The following CERS6 variants were observed in gnomAD, a reference collection of about 807,000 sequenced individuals.
The protein encoded by CERS6 is ceramide synthase 6.
In CERS6, 26 loss-of-function variants were observed where a neutral mutation model predicts 56.8. The ratio of observed to expected loss-of-function variants is 0.46; its 90% confidence interval spans 0.34 to 0.63. The LOEUF (loss-of-function observed/expected upper bound fraction) is 0.63, where lower values mean the gene tolerates loss of function less well. Ranked by LOEUF, CERS6 falls within the 30% of genes least tolerant of loss-of-function variation. CERS6 has a pLI of 0.01. For missense variants in CERS6, 415 were observed against 467.5 expected, an observed-to-expected ratio of 0.89 and a Z score of 1.04; for synonymous variants, 164 against 173.3, an observed-to-expected ratio of 0.95 and a Z score of 0.42.
intron 4 of CERS6, among the ~76,000 whole-genome samples, chr2:168,631,797 ATATATATTATATAATTTAT>A (rs1341992077): frequency 6.3e-5 from 8 of 127,884 alleles, no homozygotes; most frequent in Non-Finnish European, 1.3e-4. Flanking sequence ...GTTATATATA[ATATATATTATATAATTTAT>A]TATATATTAT....
chr2:168,547,470 T>G (rs150448529), intron 1 of CERS6, 126 bp from the exon 2 acceptor site: 16 of 601,944 alleles, frequency 2.7e-5, no homozygotes, highest in Non-Finnish European at 4.4e-5. Flanking sequence ...GTGTTGACAA[T>G]GTACACCCAT....
chr2:168,557,870 A>G (rs12463569), intron 2 of CERS6, among the ~76,000 whole-genome samples: 35,444 of 152,174 alleles, frequency 0.23, 5,111 homozygotes, highest in East Asian at 0.52. Context: ...TGCTGGAAAA[A>G]AGTATGCAGC....
chr2:168,529,230 T>C (rs1046700843), intron 1 of CERS6, among the ~76,000 whole-genome samples: 1 of 152,248 alleles, frequency 6.6e-6, no homozygotes, highest in Admixed American at 6.5e-5. Flanking sequence ...TCTGTTGTTC[T>C]CAGTCATCCT....
intron 3 of CERS6, among the ~76,000 whole-genome samples, chr2:168,626,402 G>A (rs368671372): frequency 6.6e-6 from 1 of 152,032 alleles, no homozygotes; most frequent in Non-Finnish European, 1.5e-5. Context: ...TGCCTTTTGG[G>A]TGACACCTGG....
chr2:168,630,909 C>T (rs964878311), intron 3 of CERS6, 76 bp from the exon 4 acceptor site: 3 of 630,698 alleles, frequency 4.8e-6, no homozygotes, highest in Non-Finnish European at 8.2e-6. Context: ...GAACTCTTTT[C>T]CCTCCCTTAC....
chr2:168,766,429 G>A (rs995742345), intron 9 of CERS6: 10 of 1,228,756 alleles, frequency 8.1e-6, no homozygotes, highest in African/African-American at 5.9e-5. Context: ...TTGTTTCCAC[G>A]CATATTGTTC....
chr2:168,755,145 C>T lies in CERS6; in HGVS notation c.846-10447C>T, dbSNP rs114034847. On this transcript the variant is annotated intron_variant, in intron 8 of 9. Coordinates refer to ENST00000305747, the MANE Select transcript of CERS6 (RefSeq NM_203463.3). ...AAAGATAATATGTTTTGGTTAGAAA[C>T]AACAAAACCTCTGTCTTGTGACCTT... 6.7e-3 allele frequency among the ~76,000 whole-genome samples: 1,022 copies of T among 152,282 alleles called. 11 individuals are homozygous for T. The highest frequency in any genetic ancestry group is 0.023 in the African/African-American group (959 of 41,558).
intron 6 of CERS6, among the ~76,000 whole-genome samples, chr2:168,713,149 T>A (rs1687136349): frequency 6.6e-6 from 1 of 152,178 alleles, no homozygotes. Context: ...AAATGCTCAA[T>A]CACTATTTTT....
chr2:168,646,844 T>A (rs1352506950), intron 4 of CERS6, among the ~76,000 whole-genome samples: 1 of 152,160 alleles, frequency 6.6e-6, no homozygotes, highest in Non-Finnish European at 1.5e-5. Flanking sequence ...TGGTCGTAGG[T>A]GTGTGGCCTT....
At chr2:168,633,659 T>C (rs1367802721) in intron 4 of CERS6, among the ~76,000 whole-genome samples, 1 of 152,208 alleles carries the variant, frequency 6.6e-6, no homozygotes, top group East Asian at 1.9e-4. Context: ...ATGTATATTT[T>C]AAAAATATTT....
At chr2:168,703,949 C>A (rs534365892) in intron 6 of CERS6, among the ~76,000 whole-genome samples, 1 of 152,266 alleles carries the variant, frequency 6.6e-6, no homozygotes, top group East Asian at 1.9e-4. Context: ...AATAAGCTAC[C>A]ATTTGTGATC....
At chr2:168,748,265 A>G (rs1444076450) in intron 8 of CERS6, among the ~76,000 whole-genome samples, 1 of 152,164 alleles carries the variant, frequency 6.6e-6, no homozygotes, top group Non-Finnish European at 1.5e-5. Context: ...GACTGTAACC[A>G]TTTTATTTAT....
chr2:168,754,168 A>G (rs1302689980), intron 8 of CERS6, among the ~76,000 whole-genome samples: 2 of 152,144 alleles, frequency 1.3e-5, no homozygotes, highest in East Asian at 1.9e-4. Context: ...TGTCTCAGAG[A>G]TAAGACATGA....
chr2:168,736,853 T>C (rs1683730320), intron 8 of CERS6, among the ~76,000 whole-genome samples: 1 of 152,238 alleles, frequency 6.6e-6, no homozygotes, highest in South Asian at 2.1e-4. Context: ...AGCATGTCAC[T>C]CATGCCTGCC....
intron 1 of CERS6, among the ~76,000 whole-genome samples, chr2:168,473,718 C>T (rs1026572123): frequency 6.6e-6 from 1 of 151,786 alleles, no homozygotes; most frequent in Non-Finnish European, 1.5e-5. Context: ...GGAAACTCCC[C>T]ATACACGAAA....
chr2:168,732,150 TC>T (rs1683557321), intron 8 of CERS6, among the ~76,000 whole-genome samples: 1 of 152,152 alleles, frequency 6.6e-6, no homozygotes, highest in African/African-American at 2.4e-5. Flanking sequence ...AAATTGTGTC[TC>T]CCCCATCCCA....
intron 3 of CERS6, among the ~76,000 whole-genome samples, chr2:168,619,509 GA>G (rs996244891): frequency 2.7e-5 from 4 of 149,888 alleles, no homozygotes; most frequent in Admixed American, 6.6e-5. Context: ...AAATCAGCAA[GA>G]AAAAAAAATC....
At chr2:168,613,895 A>G (rs958740206) in intron 3 of CERS6, among the ~76,000 whole-genome samples, 1 of 152,234 alleles carries the variant, frequency 6.6e-6, no homozygotes, top group Non-Finnish European at 1.5e-5. Flanking sequence ...TGCAGTATGA[A>G]TATAGCTGAT....
chr2:168,628,660 G>A (rs562891702), intron 3 of CERS6, among the ~76,000 whole-genome samples: 1 of 152,320 alleles, frequency 6.6e-6, no homozygotes, highest in African/African-American at 2.4e-5. Context: ...GTAATCATTT[G>A]TGGTAAAGGG....
Sources: allele counts gnomAD v4.1 joint callset (sites outside exome capture counted in the v4.1 genomes callset), GRCh38; gene constraint gnomAD v4.1.1; transcripts MANE v1.5; gene names NCBI Gene and HGNC (gene_info 2026-07-23, HGNC 2026-07-21).